AFAP1L1: variants seen among roughly 807,000 people sequenced by gnomAD.
The protein encoded by AFAP1L1 is actin filament associated protein 1 like 1, also known as actin filament-associated protein 1-like 1.
In AFAP1L1, 77 loss-of-function variants were observed where a neutral mutation model predicts 99.8. The observed-to-expected ratio is 0.77, with a 90% CI of 0.64 to 0.93. The LOEUF (loss-of-function observed/expected upper bound fraction) is 0.93, where lower values mean the gene tolerates loss of function less well. Ranked by LOEUF, AFAP1L1 falls within the 40% of genes least tolerant of loss-of-function variation. AFAP1L1 has a pLI of 0.00. For missense variants in AFAP1L1, 893 were observed against 996.8 expected (o/e 0.90, Z 1.40); for synonymous variants, 373 against 395.3 (o/e 0.94, Z 0.67).
intron 11 of AFAP1L1, 134 bp downstream of exon 11, chr5:149,316,437 C>G: frequency 9.4e-7 from 1 of 1,060,622 alleles, no homozygotes; most frequent in Non-Finnish European, 1.4e-6. Flanking sequence ...TACTGGGAGG[C>G]TAAGCCCCAC....
intron 9 of AFAP1L1, among the ~76,000 whole-genome samples, chr5:149,313,491 T>C (rs1341794030): frequency 1.3e-5 from 2 of 152,204 alleles, no homozygotes; most frequent in Non-Finnish European, 2.9e-5. Context: ...CAAGGTCACA[T>C]AGTAAATAAG....
chr5:149,317,929 G>T lies in AFAP1L1; in HGVS notation c.1468G>T (p.Ala490Ser). 6.4e-7 allele frequency: 1 copy of T among 1,571,846 alleles called. No homozygotes were observed. The highest frequency in any genetic ancestry group is 1.7e-4 in the Middle Eastern group (1 of 6,006). ...FRILRNRQEV[A>S]ILEASCSEDM... ...GATCCTGCGCAACCGGCAGGAGGTG[G>T]CCATCTTGGAGGTGAGAGGAGAGGG... Residue 490 changes from alanine (A) to serine (S), a missense_variant, in exon 12 of 19, where the codon GCC becomes TCC. Coordinates refer to ENST00000296721, the MANE Select transcript of AFAP1L1 (RefSeq NM_152406.4).
chr5:149,301,197 C>A lies in AFAP1L1; in HGVS notation c.294C>A (p.Ser98Arg). The A allele has an allele frequency of 6.2e-7, 1 of 1,614,012 alleles. No homozygotes were observed. The highest frequency in any genetic ancestry group is 8.5e-7 in the Non-Finnish European group (1 of 1,179,934). ...EDDGEPSKGA[S>R]PELAKSPRLR... Reference sequence around the variant, plus strand: ...ATGGGGAGCCCAGCAAAGGAGCCAGCCCTGAGCTAGCCAAGAGCCCACGCC... The same window carrying A: ...ATGGGGAGCCCAGCAAAGGAGCCAGACCTGAGCTAGCCAAGAGCCCACGCC... The change falls in exon 4 of 19, where the codon AGC becomes AGA. Residue 98 changes from serine to arginine, a missense_variant. Coordinates refer to ENST00000296721, the MANE Select transcript of AFAP1L1 (RefSeq NM_152406.4).
chr5:149,280,874 A>G (rs565763954), intron 1 of AFAP1L1, among the ~76,000 whole-genome samples: 1 of 152,282 alleles, frequency 6.6e-6, no homozygotes, highest in African/African-American at 2.4e-5. Context: ...CCAGCCTCCA[A>G]TAAATATCCC....
chr5:149,316,506 G>T (rs999342942), intron 11 of AFAP1L1, among the ~76,000 whole-genome samples: 5 of 152,048 alleles, frequency 3.3e-5, no homozygotes, highest in African/African-American at 1.2e-4. Flanking sequence ...GACACTCAAC[G>T]AAAGGAAAAG....
chr5:149,342,452 T>C lies in AFAP1L1; in HGVS notation c.*2422T>C, dbSNP rs1757582942. 6.6e-6 allele frequency among the ~76,000 whole-genome samples: 1 copy of C among 152,196 alleles called. No individual in the cohort carries two copies. The highest frequency in any genetic ancestry group is 2.1e-4 in the South Asian group (1 of 4,830). ...TAATTTTAAAGCTCTATGTCATCCA[T>C]ATATCTCCCTCCCCTTGTACTGCAA... On this transcript the variant is annotated 3_prime_UTR_variant, in exon 19 of 19. Transcript: ENST00000296721.
At position 149,332,750 on chromosome 5, in the gene AFAP1L1, G is replaced by A. The variant is rs1757291910; in HGVS notation, c.2031G>A (p.Arg677=). ...EAVATLEAQC[R]AKEERRIDLE... is the part of the protein sequence containing the mutation. ...TGGCCACCCTGGAAGCTCAGTGTCGGGCAAAGGAGGAGCGCCGGATTGACC... is the reference window on the plus strand; with the variant it reads ...TGGCCACCCTGGAAGCTCAGTGTCGAGCAAAGGAGGAGCGCCGGATTGACC... Residue 677 remains arginine, a synonymous_variant, in exon 17 of 19, where the codon CGG becomes CGA. Transcript: ENST00000296721. The A allele has an allele frequency of 1.2e-6, 2 of 1,613,788 alleles. No homozygotes were observed.
chr5:149,300,068 G>C lies in AFAP1L1; in HGVS notation c.146-203G>C, dbSNP rs1756146294. Among the ~76,000 whole-genome samples the C allele has an allele frequency of 3.3e-5, 5 of 152,160 alleles. No individual in the cohort carries two copies. The South Asian group carries it at 1.0e-3, about 32-fold the overall frequency. On this transcript the variant is annotated intron_variant, in intron 2 of 18. Coordinates refer to ENST00000296721, the MANE Select transcript of AFAP1L1 (RefSeq NM_152406.4). Reference sequence around the variant, plus strand: ...AATCTGTTTCCATACTGGGCTTCTGGACATCCTTTTACTTGGAGAAAGAGA... The same window carrying C: ...AATCTGTTTCCATACTGGGCTTCTGCACATCCTTTTACTTGGAGAAAGAGA...
rs1198440950 is a variant in AFAP1L1 at position 149,343,282 on chromosome 5, T to G, written c.*3252T>G. On this transcript the variant is annotated 3_prime_UTR_variant, in exon 19 of 19. Transcript: ENST00000296721. ...AAATAACTACAGTACAAATAACCCA[T>G]GTTATGACAAGATTCAGAGTGCTCA... 2.6e-5 allele frequency among the ~76,000 whole-genome samples: 4 copies of G among 151,720 alleles called. No homozygotes were observed. Among genetic ancestry groups the G allele is most frequent in the African/African-American group, 9.7e-5 (4 of 41,274 alleles).
chr5:149,290,582 A>G (rs1387546226), intron 1 of AFAP1L1, among the ~76,000 whole-genome samples: 2 of 152,236 alleles, frequency 1.3e-5, no homozygotes, highest in African/African-American at 4.8e-5. Context: ...CAACTACAAA[A>G]TGTGCATCAC....
intron 1 of AFAP1L1, among the ~76,000 whole-genome samples, chr5:149,292,645 C>T (rs1290679078): frequency 6.6e-6 from 1 of 152,154 alleles, no homozygotes; most frequent in Non-Finnish European, 1.5e-5. Context: ...AACTTATAAA[C>T]GATGATTAGT....
rs560121264 is a variant in AFAP1L1 at position 149,320,387 on chromosome 5, C to A, written c.1626-4C>A. On this transcript the variant is annotated splice_polypyrimidine_tract_variant and splice_region_variant and intron_variant, in intron 13 of 18. Coordinates refer to ENST00000296721, the MANE Select transcript of AFAP1L1 (RefSeq NM_152406.4). This position sits in a 1 kb window ranked among gnomAD's most constrained non-coding sequence, Gnocchi z 4.0. ...TCATTGTCATCGTACATTTTATTTT[C>A]TAGATATGCAAGATCCTGCCAGAAT... 1 of 1,613,886 alleles carries A rather than the reference C, an allele frequency of 6.2e-7. No homozygotes were observed. Among genetic ancestry groups the A allele is most frequent in the Non-Finnish European group, 8.5e-7 (1 of 1,179,840 alleles).
At chr5:149,299,841 C>T (rs1197271413) in intron 2 of AFAP1L1, among the ~76,000 whole-genome samples, 2 of 152,100 alleles carry the variant, frequency 1.3e-5, no homozygotes, top group African/African-American at 2.4e-5. Flanking sequence ...TGGGGCCCCA[C>T]CTCCCCACCG....
chr5:149,277,632 A>G (rs1011175568), intron 1 of AFAP1L1, among the ~76,000 whole-genome samples: 2 of 152,206 alleles, frequency 1.3e-5, no homozygotes, highest in Non-Finnish European at 2.9e-5. Flanking sequence ...TTTGATCCAA[A>G]CATATGTCAT....
At chr5:149,306,908 A>G (rs1406241192) in intron 6 of AFAP1L1, among the ~76,000 whole-genome samples, 2 of 152,172 alleles carry the variant, frequency 1.3e-5, no homozygotes, top group Non-Finnish European at 2.9e-5. Flanking sequence ...GAAGGGAAGT[A>G]ACCAAGATCG....
chr5:149,303,097 T>C (rs2127594815), intron 5 of AFAP1L1, among the ~76,000 whole-genome samples: 1 of 152,366 alleles, frequency 6.6e-6, no homozygotes, highest in South Asian at 2.1e-4. Context: ...TTTACTTCTA[T>C]TTAATTCAAC....
intron 1 of AFAP1L1, among the ~76,000 whole-genome samples, chr5:149,293,234 A>G (rs1755914200): frequency 6.6e-6 from 1 of 152,168 alleles, no homozygotes; most frequent in South Asian, 2.1e-4. Flanking sequence ...TGAAGCAGCT[A>G]CTGTGATCAC....
chr5:149,292,244 T>C (rs529965960), intron 1 of AFAP1L1, among the ~76,000 whole-genome samples: 1 of 152,244 alleles, frequency 6.6e-6, no homozygotes. Context: ...TCTTTTGTTA[T>C]GAACTCATTA....
At chr5:149,288,123 G>A (rs1345498154) in intron 1 of AFAP1L1, among the ~76,000 whole-genome samples, 1 of 152,206 alleles carries the variant, frequency 6.6e-6, no homozygotes, top group South Asian at 2.1e-4. Flanking sequence ...CCAGACATCC[G>A]ACCTGGTGAA....
Sources: allele counts gnomAD v4.1 joint callset (sites outside exome capture counted in the v4.1 genomes callset), GRCh38; gene constraint gnomAD v4.1.1; non-coding constraint Gnocchi (gnomAD v3.1); transcripts MANE v1.5; gene names NCBI Gene and HGNC (gene_info 2026-07-23, HGNC 2026-07-21).